Variants in SUMF1 observed in about 807,000 individuals in gnomAD.
SUMF1 encodes the protein sulfatase modifying factor 1, also known as formylglycine-generating enzyme.
SUMF1 carries 48 observed loss-of-function variants against 47.6 expected under a neutral mutation model. That is an observed-to-expected ratio of 1.01 (90% confidence interval 0.80 to 1.28). The LOEUF is 1.28. Among genes scored for constraint, SUMF1 ranks in the 50% most tolerant of loss-of-function variants. SUMF1 has a pLI of 0.00. For missense variants in SUMF1, 571 were observed against 485.4 expected, an observed-to-expected ratio of 1.18 and a Z score of -1.66; for synonymous variants, 230 against 192.1, an observed-to-expected ratio of 1.20 and a Z score of -1.63.
chr3:4,432,922 C>T (rs1702280722), intron 3 of SUMF1, among the ~76,000 whole-genome samples: 1 of 152,134 alleles, frequency 6.6e-6, no homozygotes, highest in Non-Finnish European at 1.5e-5. Flanking sequence ...TTCCAAACCC[C>T]ACCCCACCCC....
At chr3:4,458,173 C>T (rs756663532) in intron 1 of SUMF1, among the ~76,000 whole-genome samples, 1 of 152,116 alleles carries the variant, frequency 6.6e-6, no homozygotes, top group Non-Finnish European at 1.5e-5. Context: ...ATTAAAACCA[C>T]AATGGGCTAT....
intron 8 of SUMF1, among the ~76,000 whole-genome samples, chr3:4,076,680 T>C (rs1044889043): frequency 3.3e-5 from 5 of 151,684 alleles, no homozygotes; most frequent in Non-Finnish European, 7.4e-5. Context: ...AAAAAGCGGG[T>C]GAAGGATATG....
intron 8 of SUMF1, among the ~76,000 whole-genome samples, chr3:4,092,262 A>G (rs754935782): frequency 3.9e-5 from 6 of 152,106 alleles, no homozygotes; most frequent in Non-Finnish European, 5.9e-5. Flanking sequence ...CCCCTGTCCA[A>G]AGGAGAGATA....
At chr3:4,314,188 G>A (rs184435718) in intron 8 of SUMF1, 235 of 186,568 alleles carry the variant, frequency 1.3e-3, no homozygotes, top group Middle Eastern at 4.7e-3. Flanking sequence ...CTAGGTGTCT[G>A]GTACTGTAGA....
chr3:4,169,049 G>C (rs989552079), intron 8 of SUMF1, among the ~76,000 whole-genome samples: 1 of 152,148 alleles, frequency 6.6e-6, no homozygotes, highest in Admixed American at 6.5e-5. Flanking sequence ...AAAGTAGATA[G>C]AAAACTGTAA....
chr3:4,440,984 C>CTT (rs34444528), intron 3 of SUMF1, among the ~76,000 whole-genome samples: 5 of 151,938 alleles, frequency 3.3e-5, no homozygotes, highest in African/African-American at 9.7e-5. Flanking sequence ...AAATACTATC[C>CTT]TTTTTTTCAA....
intron 8 of SUMF1, among the ~76,000 whole-genome samples, chr3:4,221,499 T>C (rs182872802): frequency 1.9e-4 from 29 of 151,984 alleles, no homozygotes; most frequent in African/African-American, 6.3e-4. Flanking sequence ...TAAGCAAAGA[T>C]CCATAACCTG....
chr3:4,421,207 G>C lies in SUMF1; in HGVS notation c.520-1061C>G, dbSNP rs182423550. 6.1e-4 allele frequency among the ~76,000 whole-genome samples: 93 copies of C among 152,242 alleles called. 1 individual carries two copies. Among genetic ancestry groups the C allele is most frequent in the Non-Finnish European group, 6.0e-4 (41 of 68,012 alleles). On this transcript the variant is annotated intron_variant, in intron 3 of 8. Coordinates refer to ENST00000272902, the MANE Select transcript of SUMF1 (RefSeq NM_182760.4). ...TTTGAATCATGGCTCTGCTGTTCAC[G>C]GTGTGACCCTAGGCAACTTATTTAA...
chr3:4,455,200 G>T (rs1338206282), intron 1 of SUMF1, among the ~76,000 whole-genome samples: 2 of 152,096 alleles, frequency 1.3e-5, no homozygotes, highest in African/African-American at 4.8e-5. Flanking sequence ...AGACTCCTCA[G>T]CAGCTTAGGA....
At chr3:4,058,722 C>T in intron 9 of SUMF1, among the ~76,000 whole-genome samples, 1 of 152,106 alleles carries the variant, frequency 6.6e-6, no homozygotes, top group East Asian at 1.9e-4. Context: ...TAAAGTAGAA[C>T]AGGCTTGGTT....
intron 8 of SUMF1, among the ~76,000 whole-genome samples, chr3:4,371,393 A>C (rs1700162662): frequency 6.6e-6 from 1 of 152,236 alleles, no homozygotes. Flanking sequence ...ATAATGACTT[A>C]CCAGCCTTGG....
At chr3:4,330,458 T>C (rs1699027728) in intron 8 of SUMF1, among the ~76,000 whole-genome samples, 1 of 152,220 alleles carries the variant, frequency 6.6e-6, no homozygotes, top group Admixed American at 6.5e-5. Context: ...TCTTACATGG[T>C]GGCAGGCAAG....
rs181158985 is a variant in SUMF1, at chr3:4,190,721, C to G, written c.1015-121976G>C. 9.3e-4 allele frequency among the ~76,000 whole-genome samples: 142 copies of G among 152,198 alleles called. 1 individual carries two copies. Among genetic ancestry groups the G allele is most frequent in the Admixed American group, 6.0e-3 (92 of 15,258 alleles). On this transcript the variant is annotated intron_variant and NMD_transcript_variant, in intron 8 of 12. Coordinates refer to the SUMF1 transcript ENST00000448413. ...AGGACAAATTTAATTCAATATTACT[C>G]AATGAATTTTTACTGACTTTCATAC...
chr3:4,197,657 T>C (rs1248793909), intron 8 of SUMF1, among the ~76,000 whole-genome samples: 2 of 152,260 alleles, frequency 1.3e-5, no homozygotes, highest in East Asian at 1.9e-4. Flanking sequence ...GAATAATCTT[T>C]AGCAAGTCTG....
chr3:4,229,787 G>T (rs76741095), intron 8 of SUMF1, among the ~76,000 whole-genome samples: 8 of 152,032 alleles, frequency 5.3e-5, no homozygotes, highest in Non-Finnish European at 1.2e-4. Context: ...GCCAAGGTAG[G>T]AGAACTGCTT....
At chr3:4,094,844 C>T (rs1020222293) in intron 8 of SUMF1, among the ~76,000 whole-genome samples, 2 of 152,092 alleles carry the variant, frequency 1.3e-5, no homozygotes, top group Non-Finnish European at 1.5e-5. Context: ...GAAAAGAGAA[C>T]TATGTTCAAA....
chr3:4,384,228 A>G (rs1700598373), intron 7 of SUMF1, among the ~76,000 whole-genome samples: 1 of 152,180 alleles, frequency 6.6e-6, no homozygotes, highest in South Asian at 2.1e-4. Context: ...TTAATCTACA[A>G]TGACTTTATT....
chr3:4,284,507 A>G (rs1373436565), intron 8 of SUMF1, among the ~76,000 whole-genome samples: 1 of 150,974 alleles, frequency 6.6e-6, no homozygotes, highest in Non-Finnish European at 1.5e-5. Flanking sequence ...GTACAAAAGA[A>G]GGGGCTTGCC....
intron 8 of SUMF1, among the ~76,000 whole-genome samples, chr3:4,228,555 G>A (rs1259052650): frequency 1.3e-5 from 2 of 152,138 alleles, no homozygotes; most frequent in Non-Finnish European, 2.9e-5. Flanking sequence ...TCACCTTTAT[G>A]CGGCTCTGCT....
Sources: gnomAD v4.1 joint callset for allele counts (sites outside exome capture counted in the v4.1 genomes callset) on GRCh38, gnomAD v4.1.1 for gene constraint, MANE v1.5 for transcripts, NCBI Gene and HGNC (gene_info 2026-07-23, HGNC 2026-07-21) for gene names.